The following MRGPRX3 variants were observed in gnomAD, a reference collection of about 807,000 sequenced individuals.
MRGPRX3 encodes the protein MAS related GPR family member X3.
Under a neutral mutation model 16.5 loss-of-function variants are expected in MRGPRX3, and 14 were observed. The observed-to-expected ratio is 0.85, with a 90% CI of 0.56 to 1.33. The LOEUF is 1.33. Ranked by LOEUF, MRGPRX3 falls within the 40% of genes most tolerant of loss-of-function variation. The pLI, the probability that MRGPRX3 is intolerant of heterozygous loss-of-function variation, is 0.00. For synonymous variants in MRGPRX3, 199 were observed against 180.1 expected (o/e 1.10, Z -0.84); for missense variants, 449 against 413.0 (o/e 1.09, Z -0.76).
upstream of MRGPRX3, among the ~76,000 whole-genome samples, chr11:18,128,335 G>A (rs1324393552): frequency 6.6e-6 from 1 of 152,228 alleles, no homozygotes; most frequent in Non-Finnish European, 1.5e-5. Flanking sequence ...GTCTGCAGAG[G>A]TTTCTGCTGC....
rs1849023069 is a variant in MRGPRX3 at position 18,137,563 on chromosome 11, T to G, written c.361T>G (p.Cys121Gly). The change falls in exon 2 of 2, where the codon TGC becomes GGC. Residue 121 changes from cysteine to glycine, a missense_variant. By Grantham distance (159) the Cys-to-Gly change is radical. Coordinates refer to ENST00000621697, the MANE Select transcript of MRGPRX3 (RefSeq NM_001370464.1). ...GCTGAGCGCCATCAGCACCGAGCGC[T>G]GCCTGTCCATCCTGTGGCCCATCTG... ...SMLSAISTER[C>G]LSILWPIWYH... 2 of 1,614,206 alleles carry G rather than the reference T, an allele frequency of 1.2e-6. No homozygotes were observed. The highest frequency in any genetic ancestry group is 1.6e-4 in the Middle Eastern group (1 of 6,062).
intron 1 of MRGPRX3, among the ~76,000 whole-genome samples, chr11:18,123,739 C>T (rs554842210): frequency 6.6e-5 from 10 of 152,278 alleles, no homozygotes; most frequent in South Asian, 2.1e-4. Context: ...GCATTGGTAG[C>T]TTGATGGGGA....
chr11:18,134,725 C>T (rs1203925918), intron 1 of MRGPRX3, among the ~76,000 whole-genome samples: 10 of 152,154 alleles, frequency 6.6e-5, no homozygotes, highest in South Asian at 2.1e-4. Flanking sequence ...TGGTTCCCAG[C>T]GACATTAGCA....
At position 18,137,222 on chromosome 11, in the gene MRGPRX3, T is replaced by G; in HGVS notation, c.20T>G (p.Val7Gly). 6.2e-7 allele frequency: 1 copy of G among 1,601,578 alleles called. No homozygotes were observed. Among genetic ancestry groups the G allele is most frequent in the Middle Eastern group, 1.7e-4 (1 of 6,014 alleles). Residue 7 changes from valine (V) to glycine (G), a missense_variant, in exon 2 of 2, where the codon GTC becomes GGC. By Grantham distance (109) the Val-to-Gly change is moderately radical. Coordinates refer to ENST00000621697, the MANE Select transcript of MRGPRX3 (RefSeq NM_001370464.1). ...CTGAGCATGGATTCAACCATCCCAGTCTTGGGTACAGAACTGACACCAATC... is the reference window on the plus strand; with the variant it reads ...CTGAGCATGGATTCAACCATCCCAGGCTTGGGTACAGAACTGACACCAATC... The part of the protein sequence containing the change: MDSTIP[V>G]LGTELTPING...
At position 18,137,972 on chromosome 11, in the gene MRGPRX3, CCA is replaced by C. The variant is rs753681305; in HGVS notation, c.771_772del (p.Ile258PhefsTer6). On this transcript the variant is annotated frameshift_variant, in exon 2 of 2. Coordinates refer to ENST00000621697, the MANE Select transcript of MRGPRX3 (RefSeq NM_001370464.1). LOFTEE classifies it high-confidence loss of function. ...TTATTTTGTCATGTGCATCTAGTTT[CCA>C]TTTTCCTGTCCGCTCTTAACAGCAG... 3.1e-6 allele frequency: 5 copies of C among 1,614,178 alleles called. No individual in the cohort carries two copies. The South Asian group carries it at 4.4e-5, about 14-fold the overall frequency.
At chr11:18,124,851 T>C (rs1848875487) in intron 1 of MRGPRX3, among the ~76,000 whole-genome samples, 1 of 152,258 alleles carries the variant, frequency 6.6e-6, no homozygotes, top group Non-Finnish European at 1.5e-5. Context: ...TGTTAATTAT[T>C]ACCTCAATTT....
At chr11:18,136,624 G>A (rs1849009417) in intron 1 of MRGPRX3, among the ~76,000 whole-genome samples, 1 of 152,288 alleles carries the variant, frequency 6.6e-6, no homozygotes, top group Non-Finnish European at 1.5e-5. Context: ...AAAGCACATT[G>A]TGCTGCTTAT....
chr11:18,128,707 C>T (rs1848928366), upstream of MRGPRX3, among the ~76,000 whole-genome samples: 1 of 152,222 alleles, frequency 6.6e-6, no homozygotes, highest in Admixed American at 6.5e-5. Flanking sequence ...AAGGGAATTC[C>T]CTGACCCCTT....
chr11:18,137,720 G>A lies in MRGPRX3; in HGVS notation c.518G>A (p.Cys173Tyr). The A allele has an allele frequency of 6.2e-7, 1 of 1,614,090 alleles. No homozygotes were observed. The highest frequency in any genetic ancestry group is 8.5e-7 in the Non-Finnish European group (1 of 1,180,026). Residue 173 changes from cysteine to tyrosine, a missense_variant, in exon 2 of 2, where the codon TGT becomes TAT. Cys to Tyr is a radical substitution (Grantham distance 194, BLOSUM62 -2). Coordinates refer to ENST00000621697, the MANE Select transcript of MRGPRX3 (RefSeq NM_001370464.1). ...TTTAGTGGTGCTAATTCTGTTTGGT[G>A]TGAAACGTCAGATTTCATTACAATC... ...FLFSGANSVW[C>Y]ETSDFITIAW...
At position 18,138,349 on chromosome 11, in the gene MRGPRX3, A is replaced by G; in HGVS notation, c.*178A>G. The G allele has an allele frequency of 1.1e-6, 1 of 886,826 alleles. No homozygotes were observed. 54.9% of individuals were successfully genotyped at this position (886,826 alleles called of 1,614,324 possible). A position where few individuals can be genotyped will look rare whatever the true frequency, so the allele number is the denominator to read the frequency against. On this transcript the variant is annotated 3_prime_UTR_variant, in exon 2 of 2. Coordinates refer to ENST00000621697, the MANE Select transcript of MRGPRX3 (RefSeq NM_001370464.1). ...GCAGTTTTCACCCATGGAAAGCATT[A>G]GTCTGACAGTACAATGTTTGGATTC... is the stretch of plus-strand genomic sequence containing the variant.
intron 1 of MRGPRX3, among the ~76,000 whole-genome samples, chr11:18,124,956 A>G (rs1300220344): frequency 6.6e-6 from 1 of 151,956 alleles, no homozygotes; most frequent in Non-Finnish European, 1.5e-5. Context: ...TTTCTTCTAG[A>G]TTTTCTAGTT....
Position 18,137,368 on chromosome 11 carries a change from A to G in MRGPRX3, c.166A>G (p.Met56Val), listed in dbSNP as rs1358684659. The G allele has an allele frequency of 1.2e-6, 2 of 1,614,156 alleles. No homozygotes were observed. The highest frequency in any genetic ancestry group is 8.5e-7 in the Non-Finnish European group (1 of 1,180,024). ...AVVLWLLGCR[M>V]RRNAVSIYIL... Reference sequence around the variant, plus strand: ...TGTGCTCTGGCTCCTGGGCTGCCGCATGCGCAGGAACGCTGTCTCCATCTA... The same window carrying G: ...TGTGCTCTGGCTCCTGGGCTGCCGCGTGCGCAGGAACGCTGTCTCCATCTA... The change falls in exon 2 of 2, where the codon ATG (methionine) becomes GTG (valine). Residue 56 changes from methionine to valine, a missense_variant. Coordinates refer to ENST00000621697, the MANE Select transcript of MRGPRX3 (RefSeq NM_001370464.1).
In MRGPRX3 at chr11:18,138,392, A is replaced by G. The variant is rs530777041; in HGVS notation, c.*221A>G. The G allele has an allele frequency of 1.7e-4, 100 of 585,670 alleles. No individual in the cohort carries two copies. Among genetic ancestry groups the G allele is most frequent in the African/African-American group, 1.5e-3 (83 of 53,576 alleles). 36.3% of individuals were successfully genotyped at this position (585,670 alleles called of 1,614,324 possible). Reference sequence around the variant, plus strand: ...TTGGATTCTCCTTGATATTACCAATACATTTTCCCTGTTATCTTGCACTGA... The same window carrying G: ...TTGGATTCTCCTTGATATTACCAATGCATTTTCCCTGTTATCTTGCACTGA... On this transcript the variant is annotated 3_prime_UTR_variant, in exon 2 of 2. Coordinates refer to ENST00000621697, the MANE Select transcript of MRGPRX3 (RefSeq NM_001370464.1).
intron 1 of MRGPRX3, among the ~76,000 whole-genome samples, chr11:18,125,862 C>G (rs1848889711): frequency 6.6e-6 from 1 of 152,188 alleles, no homozygotes; most frequent in African/African-American, 2.4e-5. Flanking sequence ...CTTTATGAAT[C>G]TGGGTGCTCC....
At chr11:18,121,076 A>G (rs1848828392) in exon 1 of MRGPRX3, 1 of 121,260 alleles carries the variant, frequency 8.2e-6, no homozygotes, top group African/African-American at 3.4e-5. Flanking sequence ...CCGGCCGCCC[A>G]TCGTCTGAGA....
At chr11:18,135,961 A>G (rs1463648396) in intron 1 of MRGPRX3, among the ~76,000 whole-genome samples, 3 of 152,188 alleles carry the variant, frequency 2.0e-5, no homozygotes, top group Non-Finnish European at 2.9e-5. Flanking sequence ...AAAAGAGGCA[A>G]TACCTAATAA....
rs199627331 is a variant in MRGPRX3, at chr11:18,137,956, C to T, written c.754C>T (p.His252Tyr). The T allele has an allele frequency of 6.2e-7, 1 of 1,614,190 alleles. No homozygotes were observed. The highest frequency in any genetic ancestry group is 8.5e-7 in the Non-Finnish European group (1 of 1,180,044). Reference protein sequence around the residue: ...IHLDWKVLFCHVHLVSIFLSA... With the variant: ...IHLDWKVLFCYVHLVSIFLSA... ...CCTGGATTGGAAAGTCTTATTTTGT[C>T]ATGTGCATCTAGTTTCCATTTTCCT... The change falls in exon 2 of 2, where the codon CAT (histidine) becomes TAT (tyrosine). Residue 252 changes from histidine to tyrosine, a missense_variant. Coordinates refer to ENST00000621697, the MANE Select transcript of MRGPRX3 (RefSeq NM_001370464.1).
intron 1 of MRGPRX3, among the ~76,000 whole-genome samples, chr11:18,133,540 T>A (rs1359140527): frequency 6.6e-6 from 1 of 152,210 alleles, no homozygotes; most frequent in African/African-American, 2.4e-5. Flanking sequence ...GTTGTTGTGA[T>A]ACTGACGAGT....
chr11:18,122,709 G>C (rs545323648), intron 1 of MRGPRX3, among the ~76,000 whole-genome samples: 1 of 152,206 alleles, frequency 6.6e-6, no homozygotes, highest in East Asian at 1.9e-4. Context: ...CCCAGTAATG[G>C]GATGGCTGGG....
Sources: gnomAD v4.1 joint callset for allele counts (sites outside exome capture counted in the v4.1 genomes callset) on GRCh38, gnomAD v4.1.1 for gene constraint, MANE v1.5 for transcripts, NCBI Gene and HGNC (gene_info 2026-07-23, HGNC 2026-07-21) for gene names.